Variants in EYA2 observed in about 807,000 individuals in gnomAD.
The protein encoded by EYA2 is protein phosphatase EYA2.
A neutral mutation model predicts 69.2 loss-of-function variants in EYA2; 31 were observed. That is an observed-to-expected ratio of 0.45 (90% confidence interval 0.34 to 0.60). EYA2 has a LOEUF of 0.60. Among genes scored for constraint, EYA2 ranks in the 20% least tolerant of loss-of-function variants. The pLI is 0.02. For synonymous variants in EYA2, 257 were observed against 279.4 expected (o/e 0.92, Z 0.80); for missense variants, 622 against 701.2 (o/e 0.89, Z 1.28).
At chr20:46,992,929 C>T (rs1211935713) in intron 2 of EYA2, among the ~76,000 whole-genome samples, 1 of 152,194 alleles carries the variant, frequency 6.6e-6, no homozygotes, top group Non-Finnish European at 1.5e-5. Context: ...CTCCCTCCTC[C>T]TGGGCCATTC....
At chr20:47,009,511 A>G (rs1336039743) in intron 4 of EYA2, among the ~76,000 whole-genome samples, 1 of 152,248 alleles carries the variant, frequency 6.6e-6, no homozygotes, top group East Asian at 1.9e-4. Flanking sequence ...TATGACACCT[A>G]TGAACTGACC....
chr20:47,073,988 G>A (rs2031413968), intron 6 of EYA2, among the ~76,000 whole-genome samples, 170 bp from the exon 7 acceptor site: 1 of 151,978 alleles, frequency 6.6e-6, no homozygotes, highest in Non-Finnish European at 1.5e-5. Flanking sequence ...CAGCCTCCTT[G>A]CACTTGAATC....
At chr20:47,153,522 A>G (rs958871288) in intron 10 of EYA2, among the ~76,000 whole-genome samples, 11 of 151,762 alleles carry the variant, frequency 7.2e-5, no homozygotes, top group African/African-American at 2.7e-4. Flanking sequence ...GGGCATGGTG[A>G]TGAGTGCCTA....
intron 9 of EYA2, among the ~76,000 whole-genome samples, chr20:47,118,057 G>T (rs1008571134): frequency 6.6e-6 from 1 of 152,238 alleles, no homozygotes; most frequent in Admixed American, 6.5e-5. Context: ...AGGAAGCCCT[G>T]CCCAAGGAAA....
intron 5 of EYA2, among the ~76,000 whole-genome samples, chr20:47,028,228 T>C (rs1271193919): frequency 6.6e-6 from 1 of 152,252 alleles, no homozygotes; most frequent in East Asian, 1.9e-4. Context: ...GCTGGCACGT[T>C]GACCTTGGAC....
rs6094542 is a variant in EYA2, at chr20:46,989,981, T to C, written c.-10-20T>C. On this transcript the variant is annotated intron_variant, in intron 1 of 15. Coordinates refer to ENST00000327619, the MANE Select transcript of EYA2 (RefSeq NM_005244.5). ...TGCATAATTAATGAATAAATTATAT[T>C]TCCCTTTGTTTTCTTTCAGGTACAA... 12,554 of 1,189,402 alleles carry C rather than the reference T, an allele frequency of 0.011. 926 individuals carry two copies. In the African/African-American group the frequency reaches 0.16, roughly 16 times the overall value. 73.7% of individuals were successfully genotyped at this position (1,189,402 alleles called of 1,614,324 possible). A position where few individuals can be genotyped will look rare whatever the true frequency, so the allele number is the denominator to read the frequency against.
chr20:47,180,278 G>A (rs2281366), intron 13 of EYA2, among the ~76,000 whole-genome samples: 19,224 of 152,114 alleles, frequency 0.13, 3,479 homozygotes, highest in African/African-American at 0.39. Flanking sequence ...TGATCCACCC[G>A]CCTCGGCCTC....
chr20:46,945,693 T>C (rs2146267819), intron 1 of EYA2, among the ~76,000 whole-genome samples: 1 of 152,380 alleles, frequency 6.6e-6, no homozygotes, highest in African/African-American at 2.4e-5. Context: ...CTTTCACCTC[T>C]GTGGCCTGCT....
At chr20:47,183,774 A>G (rs2034583913) in intron 15 of EYA2, among the ~76,000 whole-genome samples, 1 of 152,174 alleles carries the variant, frequency 6.6e-6, no homozygotes, top group African/African-American at 2.4e-5. Context: ...AAGCTAATGA[A>G]AAAGAAAATC....
intron 5 of EYA2, among the ~76,000 whole-genome samples, chr20:47,069,260 G>A (rs1241291730): frequency 6.6e-6 from 1 of 152,178 alleles, no homozygotes; most frequent in African/African-American, 2.4e-5. Flanking sequence ...TTGGGAAGCT[G>A]AGGCAGGTGG....
At chr20:46,978,056 C>T (rs1980568828) in intron 1 of EYA2, among the ~76,000 whole-genome samples, 1 of 152,232 alleles carries the variant, frequency 6.6e-6, no homozygotes, top group African/African-American at 2.4e-5. Flanking sequence ...CTGCCCACGG[C>T]TCCAGGTAGG....
intron 1 of EYA2, among the ~76,000 whole-genome samples, chr20:46,898,848 G>T (rs1983948829): frequency 1.3e-5 from 2 of 152,146 alleles, no homozygotes; most frequent in African/African-American, 4.8e-5. Flanking sequence ...AGAGGAAAAG[G>T]CATGAAGGAA....
At chr20:47,182,104 C>T (rs1171627547) in intron 14 of EYA2, among the ~76,000 whole-genome samples, 1 of 151,966 alleles carries the variant, frequency 6.6e-6, no homozygotes, top group Non-Finnish European at 1.5e-5. Context: ...CAACCTCCGC[C>T]TCCTGGGTTC....
chr20:47,137,005 C>G (rs2033492790), intron 9 of EYA2, among the ~76,000 whole-genome samples: 1 of 152,130 alleles, frequency 6.6e-6, no homozygotes, highest in Non-Finnish European at 1.5e-5. Flanking sequence ...CACAAGTTCT[C>G]TAGTCAAACA....
rs927889739 is a variant in EYA2 at position 46,965,625 on chromosome 20, C to T, written c.-10-24376C>T. Reference sequence around the variant, plus strand: ...CAGCGTGCAGAACTGTTTGCCTGGGCGTAGGTTGGAGACAGGTGACCCCAC... The same window carrying T: ...CAGCGTGCAGAACTGTTTGCCTGGGTGTAGGTTGGAGACAGGTGACCCCAC... On this transcript the variant is annotated intron_variant, in intron 1 of 15. Coordinates refer to ENST00000327619, the MANE Select transcript of EYA2 (RefSeq NM_005244.5). Among the ~76,000 whole-genome samples, 6 of 152,362 alleles carry T rather than the reference C, an allele frequency of 3.9e-5. No homozygotes were observed. In the East Asian group the frequency reaches 5.8e-4, roughly 15 times the overall value.
rs112577965 is a variant in EYA2 at position 47,084,838 on chromosome 20, T to C, written c.662-4401T>C. 5.2e-4 allele frequency among the ~76,000 whole-genome samples: 77 copies of C among 147,972 alleles called. No individual in the cohort carries two copies. In the East Asian group the frequency reaches 0.013, roughly 25 times the overall value. On this transcript the variant is annotated intron_variant, in intron 7 of 15. Coordinates refer to ENST00000327619, the MANE Select transcript of EYA2 (RefSeq NM_005244.5). ...AAATAATTCATCTGTTTCTTTCTTT[T>C]TTTTTTTTTTTTTTTGAGACAGGTT...
chr20:47,163,698 CAAAAAAAAAAAA>C (rs11471495), intron 10 of EYA2, among the ~76,000 whole-genome samples: 1 of 85,536 alleles, frequency 1.2e-5, no homozygotes, highest in Non-Finnish European at 2.2e-5. Context: ...AACACTGTCT[CAAAAAAAAAAAA>C]AAAAAAAAAA....
chr20:46,986,474 GAT>G, intron 1 of EYA2, among the ~76,000 whole-genome samples: 1 of 45,112 alleles, frequency 2.2e-5, no homozygotes, highest in East Asian at 3.6e-4. Flanking sequence ...GATATATAGA[GAT>G]ATATATATCT....
chr20:46,973,627 C>G (rs912425796), intron 1 of EYA2, among the ~76,000 whole-genome samples: 6 of 152,030 alleles, frequency 3.9e-5, no homozygotes, highest in African/African-American at 1.2e-4. Context: ...GTAAACAAAC[C>G]AAAATTCTGA....
Sources: gnomAD v4.1 joint callset for allele counts (sites outside exome capture counted in the v4.1 genomes callset) on GRCh38, gnomAD v4.1.1 for gene constraint, MANE v1.5 for transcripts, NCBI Gene and HGNC (gene_info 2026-07-23, HGNC 2026-07-21) for gene names.